Variants in OXR1 observed in about 807,000 individuals in gnomAD.
OXR1 encodes the protein oxidation resistance 1.
Under a neutral mutation model 104.6 loss-of-function variants are expected in OXR1, and 41 were observed. The ratio of observed to expected loss-of-function variants is 0.39; its 90% CI spans 0.31 to 0.51. The LOEUF (loss-of-function observed/expected upper bound fraction) is 0.51. Ranked by LOEUF, OXR1 falls within the 20% of genes least tolerant of loss-of-function variation. The probability of loss-of-function intolerance (pLI) is 0.77; values close to 1 mark genes in which losing one functional copy is unlikely to be tolerated. For synonymous variants in OXR1, 348 were observed against 348.4 expected, an observed-to-expected ratio of 1.00 and a Z score of 0.01; for missense variants, 955 against 1,031.9, an observed-to-expected ratio of 0.93 and a Z score of 1.02.
chr8:106,494,743 A>T (rs1024000617), intron 2 of OXR1, among the ~76,000 whole-genome samples: 1 of 152,186 alleles, frequency 6.6e-6, no homozygotes, highest in African/African-American at 2.4e-5. Flanking sequence ...CTGAGACTGC[A>T]CTTCTAACAA....
intron 1 of OXR1, among the ~76,000 whole-genome samples, chr8:106,275,980 A>G (rs1273364172): frequency 1.3e-5 from 2 of 152,234 alleles, no homozygotes; most frequent in African/African-American, 2.4e-5. Context: ...AAGAAAAAAA[A>G]TAGCCTGGAA....
chr8:106,460,435 C>A (rs1820841013), intron 2 of OXR1, among the ~76,000 whole-genome samples: 1 of 152,148 alleles, frequency 6.6e-6, no homozygotes, highest in South Asian at 2.1e-4. Flanking sequence ...TCTAATGAGA[C>A]ACAAAGACCT....
chr8:106,427,226 C>T (rs1157691488), intron 2 of OXR1, among the ~76,000 whole-genome samples: 1 of 152,096 alleles, frequency 6.6e-6, no homozygotes, highest in Non-Finnish European at 1.5e-5. Context: ...GGCTGGAGTG[C>T]AGTGGCCTGA....
chr8:106,534,972 G>GT (rs563796819), intron 3 of OXR1, among the ~76,000 whole-genome samples: 27 of 151,586 alleles, frequency 1.8e-4, no homozygotes, highest in Admixed American at 1.1e-3. Context: ...GTTTTGTTTT[G>GT]TTTTTTTTGA....
At chr8:106,473,999 T>C (rs1330244318) in intron 2 of OXR1, among the ~76,000 whole-genome samples, 1 of 136,060 alleles carries the variant, frequency 7.3e-6, no homozygotes, top group East Asian at 2.2e-4. Context: ...ATAATATATG[T>C]ATTGTATATT....
At chr8:106,430,288 T>C (rs888761893) in intron 2 of OXR1, among the ~76,000 whole-genome samples, 2 of 152,200 alleles carry the variant, frequency 1.3e-5, no homozygotes, top group African/African-American at 4.8e-5. Context: ...AAAACTACAA[T>C]TGTATAGCAC....
At chr8:106,619,504 T>C (rs1407047339) in intron 3 of OXR1, among the ~76,000 whole-genome samples, 1 of 152,212 alleles carries the variant, frequency 6.6e-6, no homozygotes, top group Admixed American at 6.5e-5. Flanking sequence ...GCCCAAACAA[T>C]TTTTTAATTT....
At chr8:106,469,675 A>G (rs1276925880) in intron 2 of OXR1, among the ~76,000 whole-genome samples, 1 of 151,854 alleles carries the variant, frequency 6.6e-6, no homozygotes, top group African/African-American at 2.4e-5. Flanking sequence ...CATGAGTTGT[A>G]TAAATTAGGG....
chr8:106,606,138 C>T (rs1167000915), intron 3 of OXR1, among the ~76,000 whole-genome samples: 1 of 152,098 alleles, frequency 6.6e-6, no homozygotes, highest in Non-Finnish European at 1.5e-5. Flanking sequence ...TAGGTCTGTG[C>T]TCCTTTCTAG....
At chr8:106,286,089 G>A (rs114433443) in intron 1 of OXR1, among the ~76,000 whole-genome samples, 1,538 of 152,238 alleles carry the variant, frequency 0.01, 17 homozygotes, top group African/African-American at 0.033. Flanking sequence ...TTGGTAAAAT[G>A]ATGACCTTAT....
At chr8:106,500,342 A>G (rs999829091) in intron 2 of OXR1, among the ~76,000 whole-genome samples, 5 of 152,214 alleles carry the variant, frequency 3.3e-5, no homozygotes, top group Non-Finnish European at 7.3e-5. Flanking sequence ...TTAAAAATCA[A>G]CTCATGACTT....
chr8:106,340,373 T>G (rs1160998416), intron 1 of OXR1, among the ~76,000 whole-genome samples: 1 of 152,212 alleles, frequency 6.6e-6, no homozygotes, highest in Non-Finnish European at 1.5e-5. Context: ...CCTGAGCTGC[T>G]GAATACCCTG....
chr8:106,488,197 G>T (rs1810823196), intron 2 of OXR1, among the ~76,000 whole-genome samples: 14 of 139,298 alleles, frequency 1.0e-4, no homozygotes, highest in African/African-American at 3.9e-4. Context: ...TTTTTCATGT[G>T]TTTTTTGGCT....
chr8:106,566,336 A>G (rs1817072213), intron 3 of OXR1, among the ~76,000 whole-genome samples: 1 of 152,226 alleles, frequency 6.6e-6, no homozygotes, highest in South Asian at 2.1e-4. Flanking sequence ...TTTTCAAAAG[A>G]AAACATTTAT....
chr8:106,726,404 G>A (rs1833351148), intron 11 of OXR1: 2 of 691,944 alleles, frequency 2.9e-6, no homozygotes, highest in Admixed American at 3.3e-5. Context: ...TTTAAGCATA[G>A]AGGATATTTA....
At chr8:106,392,695 A>G (rs1048868098) in intron 2 of OXR1, among the ~76,000 whole-genome samples, 4 of 152,208 alleles carry the variant, frequency 2.6e-5, no homozygotes, top group Non-Finnish European at 2.9e-5. Context: ...GAGATTTTCT[A>G]TAATTTTCCT....
intron 1 of OXR1, among the ~76,000 whole-genome samples, chr8:106,326,452 G>C (rs1035589365): frequency 6.6e-6 from 1 of 152,194 alleles, no homozygotes; most frequent in Non-Finnish European, 1.5e-5. Context: ...CCTCTGGCAA[G>C]ACAAGTCAAT....
At chr8:106,446,579 C>T (rs1820019554) in intron 2 of OXR1, among the ~76,000 whole-genome samples, 1 of 151,490 alleles carries the variant, frequency 6.6e-6, no homozygotes, top group Non-Finnish European at 1.5e-5. Context: ...GATAGCATCA[C>T]TGCACTCCAG....
chr8:106,738,088 G>T (rs944224013), intron 12 of OXR1, among the ~76,000 whole-genome samples: 5 of 151,916 alleles, frequency 3.3e-5, no homozygotes, highest in African/African-American at 1.2e-4. Context: ...GGAGTACATT[G>T]GAATAGTACA....
Sources: gnomAD v4.1 joint callset for allele counts (sites outside exome capture counted in the v4.1 genomes callset) on GRCh38, gnomAD v4.1.1 for gene constraint, MANE v1.5 for transcripts, NCBI Gene and HGNC (gene_info 2026-07-23, HGNC 2026-07-21) for gene names.